LINC00632: variants seen among roughly 807,000 people sequenced by gnomAD.
LINC00632 encodes the protein ALDOA related specific transcript.
At chrX:140,783,950 A>C in exon 5 of LINC00632, 1 of 1,208,558 alleles carries the variant, frequency 8.3e-7, no homozygotes, top group Non-Finnish European at 1.1e-6. Flanking sequence ...CAGAAAATCC[A>C]CATCTTCCAA....
intron 3 of LINC00632, among the ~76,000 whole-genome samples, chrX:140,754,090 T>C (rs937008576): frequency 8.9e-6 from 1 of 111,873 alleles, no homozygotes; most frequent in Non-Finnish European, 1.9e-5. Flanking sequence ...TATATTTCTA[T>C]TGGACAATCC....
chrX:140,776,840 A>G (rs1931878626), exon 5 of LINC00632, among the ~76,000 whole-genome samples: 1 of 111,459 alleles, frequency 9.0e-6, no homozygotes, highest in African/African-American at 3.3e-5. Flanking sequence ...ACATGCACAC[A>G]TATGTTTGTT....
chrX:140,716,991 AT>A (rs371108110), intron 2 of LINC00632, among the ~76,000 whole-genome samples: 27 of 104,450 alleles, frequency 2.6e-4, no homozygotes, highest in Admixed American at 5.2e-4. Flanking sequence ...ATTCCACAAC[AT>A]TTTTTTTTTT....
chrX:140,788,644 G>A (rs902211983), exon 5 of LINC00632, among the ~76,000 whole-genome samples: 2 of 108,635 alleles, frequency 1.8e-5, no homozygotes, highest in South Asian at 3.9e-4. Context: ...ATTACATAGC[G>A]CATGATCCAA....
intron 3 of LINC00632, among the ~76,000 whole-genome samples, chrX:140,740,469 C>G (rs1233643711): frequency 1.8e-5 from 2 of 110,909 alleles, no homozygotes; most frequent in Admixed American, 9.7e-5. Context: ...GATTTGTCAA[C>G]CAGGAATTAT....
At chrX:140,761,905 T>C (rs1931599713) in intron 3 of LINC00632, among the ~76,000 whole-genome samples, 2 of 111,281 alleles carry the variant, frequency 1.8e-5, no homozygotes, top group Middle Eastern at 4.6e-3. Context: ...ACTGGAAATG[T>C]AGAAATGAGA....
intron 2 of LINC00632, among the ~76,000 whole-genome samples, chrX:140,712,603 C>G (rs1359893873): frequency 9.1e-6 from 1 of 110,077 alleles, no homozygotes; most frequent in Non-Finnish European, 1.9e-5. Flanking sequence ...GAGTCCTAAC[C>G]CATGCCACCA....
chrX:140,775,831 G>A (rs1263882266), exon 5 of LINC00632, among the ~76,000 whole-genome samples: 17 of 62,688 alleles, frequency 2.7e-4, no homozygotes, highest in African/African-American at 1.1e-3. Flanking sequence ...GAAGCAGGAA[G>A]CAAGCCCACT....
intron 3 of LINC00632, among the ~76,000 whole-genome samples, chrX:140,742,695 T>C (rs1297710380): frequency 9.1e-6 from 1 of 110,331 alleles, no homozygotes; most frequent in Non-Finnish European, 1.9e-5. Flanking sequence ...TTCATATTCA[T>C]GTAGGCAGAA....
chrX:140,745,455 C>T (rs1602744227), intron 3 of LINC00632, among the ~76,000 whole-genome samples: 1 of 111,399 alleles, frequency 9.0e-6, no homozygotes, highest in Non-Finnish European at 1.9e-5. Context: ...TTTTTCCTCT[C>T]AACAGTCCAT....
At chrX:140,744,483 G>A (rs1375385329) in intron 3 of LINC00632, among the ~76,000 whole-genome samples, 1 of 104,395 alleles carries the variant, frequency 9.6e-6, no homozygotes, top group African/African-American at 3.6e-5. Flanking sequence ...GGCTTTGTGA[G>A]CTAGATGGAT....
At chrX:140,747,793 T>C (rs929091228) in intron 3 of LINC00632, among the ~76,000 whole-genome samples, 2 of 111,433 alleles carry the variant, frequency 1.8e-5, no homozygotes, top group African/African-American at 6.5e-5. Flanking sequence ...TTTGGCCACA[T>C]CCCATCCCTG....
exon 5 of LINC00632, among the ~76,000 whole-genome samples, chrX:140,781,736 CTA>C (rs1931937191): frequency 9.0e-6 from 1 of 111,723 alleles, no homozygotes. Flanking sequence ...GCATAGCAAA[CTA>C]AGGCCCTTGG....
intron 3 of LINC00632, among the ~76,000 whole-genome samples, chrX:140,745,802 T>C (rs1931318941): frequency 8.9e-6 from 1 of 112,354 alleles, no homozygotes; most frequent in Non-Finnish European, 1.9e-5. Context: ...TTATCCCTAG[T>C]TTATCCACTG....
At chrX:140,770,730 C>T (rs1931775169) in intron 3 of LINC00632, among the ~76,000 whole-genome samples, 1 of 111,643 alleles carries the variant, frequency 9.0e-6, no homozygotes, top group Non-Finnish European at 1.9e-5. Context: ...CTCCGATTCC[C>T]TCAGTTCTTC....
At chrX:140,737,223 G>T (rs1357066545) in intron 3 of LINC00632, among the ~76,000 whole-genome samples, 1 of 110,876 alleles carries the variant, frequency 9.0e-6, no homozygotes, top group Non-Finnish European at 1.9e-5. Flanking sequence ...AATTGGAAAA[G>T]ATATTTTACG....
At chrX:140,743,752 T>C (rs1931279894) in intron 3 of LINC00632, among the ~76,000 whole-genome samples, 1 of 111,262 alleles carries the variant, frequency 9.0e-6, no homozygotes, top group African/African-American at 3.3e-5. Context: ...AATAGTCATT[T>C]TGAAGGATTT....
chrX:140,758,761 C>T (rs1050113192), intron 3 of LINC00632, among the ~76,000 whole-genome samples: 3 of 110,446 alleles, frequency 2.7e-5, no homozygotes, highest in Non-Finnish European at 5.7e-5. Flanking sequence ...TAATTTCTAC[C>T]GTGGCAAGGC....
intron 3 of LINC00632, among the ~76,000 whole-genome samples, chrX:140,770,694 G>C (rs750591708): frequency 9.0e-6 from 1 of 111,591 alleles, no homozygotes; most frequent in Non-Finnish European, 1.9e-5. Flanking sequence ...AGCAGTGGCC[G>C]AATGTCATCT....
Sources: gnomAD v4.1 joint callset for allele counts (sites outside exome capture counted in the v4.1 genomes callset) on GRCh38, gnomAD v4.1.1 for gene constraint, MANE v1.5 for transcripts, NCBI Gene and HGNC (gene_info 2026-07-23, HGNC 2026-07-21) for gene names.